ATG9B: variants seen among roughly 807,000 people sequenced by gnomAD.
The protein encoded by ATG9B is autophagy-related protein 9B.
A neutral mutation model predicts 92.9 loss-of-function variants in ATG9B; 92 were observed. That is an observed-to-expected ratio of 0.99 (90% CI 0.84 to 1.18). The LOEUF (loss-of-function observed/expected upper bound fraction) is 1.18, where lower values mean the gene tolerates loss of function less well. ATG9B is among the 50% of genes most tolerant of loss of function. The pLI, the probability that ATG9B is intolerant of heterozygous loss-of-function variation, is 0.00. For missense variants in ATG9B, 1,344 were observed against 1,235.0 expected (o/e 1.09, Z -1.32); for synonymous variants, 599 against 551.4 (o/e 1.09, Z -1.21).
Position 151,023,965 on chromosome 7 carries a change from C to T in ATG9B, c.459G>A (p.Arg153=), listed in dbSNP as rs1486053987. The change falls in exon 1 of 14, where the codon CGG becomes CGA. Residue 153 remains arginine, a synonymous_variant. Transcript: ENST00000639579. ...GPLIPEQDYE[R]LEDCDPEGSQ... ...ACCCCTCAGGGTCACAGTCCTCCAGCCGCTCATAATCCTGTTCAGGGATCA... is the reference window on the plus strand; with the variant it reads ...ACCCCTCAGGGTCACAGTCCTCCAGTCGCTCATAATCCTGTTCAGGGATCA... The T allele has an allele frequency of 6.3e-7, 1 of 1,590,118 alleles. No homozygotes were observed. The highest frequency in any genetic ancestry group is 1.1e-5 in the South Asian group (1 of 87,958).
At chr7:151,023,530 A>G in intron 2 of ATG9B, 21 bp from the exon 3 acceptor site, 1 of 1,612,988 alleles carries the variant, frequency 6.2e-7, no homozygotes, top group Non-Finnish European at 8.5e-7. Flanking sequence ...GTCAAGGAAC[A>G]AGCCTGAGGC....
rs116149029 is a variant in ATG9B at position 151,024,232 on chromosome 7, G to A, written c.192C>T (p.Ser64=). The A allele has an allele frequency of 3.4e-3, 4,984 of 1,483,980 alleles. 117 individuals carry two copies. The African/African-American group carries it at 0.059, about 17-fold the overall frequency. 91.9% of individuals were successfully genotyped at this position (1,483,980 alleles called of 1,614,324 possible). A position where few individuals can be genotyped will look rare whatever the true frequency, so the allele number is the denominator to read the frequency against. ...GCCCTGCGGTGGGAGGGGAAAATGA[G>A]GAGGGGGAGCTTCTTGTATGAGGGG... The part of the protein sequence containing the change: ...SPAPHTRSSP[S]SFSPPTAGPP... The change falls in exon 1 of 14, where the codon TCC becomes TCT. Residue 64 remains serine, a synonymous_variant. Transcript: ENST00000639579.
intron 8 of ATG9B, 119 bp from the exon 9 acceptor site, chr7:151,017,391 C>T: frequency 1.0e-6 from 1 of 981,496 alleles, no homozygotes. Flanking sequence ...GGGACTTGTT[C>T]ACCATCACCC....
At chr7:151,014,104 C>T, downstream of ATG9B, 1 of 1,613,642 alleles carries the variant, frequency 6.2e-7, no homozygotes, top group Non-Finnish European at 8.5e-7. Context: ...CTTGCAGGAG[C>T]GTCAGTTGCG....
Position 151,024,058 on chromosome 7 carries a change from CA to C in ATG9B, c.365del (p.Leu122ArgfsTer21). 6.3e-7 allele frequency: 1 copy of C among 1,591,498 alleles called. No individual in the cohort carries two copies. Among genetic ancestry groups the C allele is most frequent in the Non-Finnish European group, 8.6e-7 (1 of 1,169,356 alleles). On this transcript the variant is annotated frameshift_variant, in exon 1 of 14. Transcript: ENST00000639579. LOFTEE classifies it high-confidence loss of function. ...PSWGSHSTPP[L>X]APATPTPSQQ... ...GTGAGGGAGTGGGGGTTGCCGGGGC[CA>C]GGGGTGGGGTGGAGTGGGATCCCCA...
At chr7:151,020,568 C>A (rs1795710526) in intron 5 of ATG9B, among the ~76,000 whole-genome samples, 1 of 152,216 alleles carries the variant, frequency 6.6e-6, no homozygotes, top group South Asian at 2.1e-4. Context: ...GCAAGGGAAG[C>A]AAGCTGCAGA....
chr7:151,012,210 T>G, downstream of ATG9B: 1 of 652,268 alleles, frequency 1.5e-6, no homozygotes, highest in Non-Finnish European at 2.5e-6. Flanking sequence ...CAAGTAGAGT[T>G]GTTTTTTGTT....
At chr7:151,012,584 A>G, downstream of ATG9B, 2 of 1,332,166 alleles carry the variant, frequency 1.5e-6, no homozygotes, top group South Asian at 2.9e-5. Flanking sequence ...AAAGTCCACA[A>G]AGCTGAAAAG....
chr7:151,016,651 C>T (rs1290916941), intron 10 of ATG9B, 37 bp downstream of exon 10: 1 of 1,537,358 alleles, frequency 6.5e-7, no homozygotes, highest in Non-Finnish European at 8.8e-7. Context: ...GCCCACCCCC[C>T]TCCACATGCC....
chr7:151,018,373 T>A lies in ATG9B; in HGVS notation c.1793A>T (p.His598Leu). The change falls in exon 7 of 14, where the codon CAC becomes CTC. Residue 598 changes from histidine to leucine, a missense_variant. Transcript: ENST00000639579. This position sits in a 1 kb window ranked among gnomAD's most constrained non-coding sequence, Gnocchi z 4.7. ...GGGGCCGGGCTCCTCCGGGAGGTAG[T>A]GCATGTGGGCCAGGGCTGTCTGCAG... is the stretch of plus-strand genomic sequence containing the variant. ...LLLQTALAHM[H>L]YLPEEPGPGG... The A allele has an allele frequency of 6.3e-7, 1 of 1,597,096 alleles. No homozygotes were observed. Among genetic ancestry groups the A allele is most frequent in the Non-Finnish European group, 8.5e-7 (1 of 1,173,392 alleles).
In ATG9B at chr7:151,018,092, G is replaced by A. The variant is rs1795579833; in HGVS notation, c.1873-42C>T. The A allele has an allele frequency of 6.5e-7, 1 of 1,532,500 alleles. No individual in the cohort carries two copies. The highest frequency in any genetic ancestry group is 8.8e-7 in the Non-Finnish European group (1 of 1,138,698). The allele number at this position is 1,532,500 out of a possible 1,614,324, so 94.9% of individuals were successfully genotyped here. A position where few individuals can be genotyped will look rare whatever the true frequency, so the allele number is the denominator to read the frequency against. On this transcript the variant is annotated intron_variant, in intron 7 of 13. Coordinates refer to ENST00000639579, the MANE Select transcript of ATG9B (RefSeq NM_001317056.2). The surrounding 1 kb of genome is among the most constrained non-coding windows in gnomAD (Gnocchi z 4.7). The stretch of plus-strand genomic sequence containing the variant: ...GAGGCTGAGCAGGGGTCGCTGAGGG[G>A]CCCACGCGCGTTATCAGGACCAAGC...
In ATG9B at chr7:151,017,970, C is replaced by T; in HGVS notation, c.1953G>A (p.Glu651=). The change falls in exon 8 of 14, where the codon GAG becomes GAA. Residue 651 remains glutamate, a synonymous_variant. Coordinates refer to ENST00000639579, the MANE Select transcript of ATG9B (RefSeq NM_001317056.2). The part of the protein sequence containing the change: ...LLFWFRPRAL[E]IIDFFHHFTV... ...TGAAGTGATGAAAAAAGTCGATAAT[C>T]TCCAGGGCACGAGGGCGGAACCAGA... The T allele has an allele frequency of 6.2e-7, 1 of 1,607,324 alleles. No homozygotes were observed. Among genetic ancestry groups the T allele is most frequent in the Non-Finnish European group, 8.5e-7 (1 of 1,176,602 alleles).
chr7:151,023,735 GCA>G lies in ATG9B; in HGVS notation c.551-7_551-6del, dbSNP rs1563266818. 1 of 1,614,018 alleles carries G rather than the reference GCA, an allele frequency of 6.2e-7. No individual in the cohort carries two copies. Among genetic ancestry groups the G allele is most frequent in the Non-Finnish European group, 8.5e-7 (1 of 1,179,998 alleles). Reference sequence around the variant, plus strand: ...TCTGGATGTGATGCCAGGAGCCTGGGCACAGAGGGGAGAGTGTCAGCCCCTGG... The same window carrying G: ...TCTGGATGTGATGCCAGGAGCCTGGGCAGAGGGGAGAGTGTCAGCCCCTGG... On this transcript the variant is annotated splice_polypyrimidine_tract_variant and splice_region_variant and intron_variant, in intron 1 of 13. Coordinates refer to ENST00000639579, the MANE Select transcript of ATG9B (RefSeq NM_001317056.2).
chr7:151,018,970 C>T lies in ATG9B; in HGVS notation c.1368G>A (p.Trp456Ter), dbSNP rs1181514944. The T allele has an allele frequency of 1.3e-6, 2 of 1,579,804 alleles. No homozygotes were observed. The highest frequency in any genetic ancestry group is 8.6e-7 in the Non-Finnish European group (1 of 1,167,888). Residue 456 changes from tryptophan (W) to a stop codon, truncating the protein, a stop_gained, in exon 6 of 14, where the codon TGG (tryptophan) becomes TGA (stop). Transcript: ENST00000639579. LOFTEE classifies it high-confidence loss of function. This position sits in a 1 kb window ranked among gnomAD's most constrained non-coding sequence, Gnocchi z 4.7. ...GGCTATAGAAGACGTGCAGAACCTG[C>T]CAGGCCAGCACCAGCGGGCTCAGCG... The part of the protein sequence containing the change: ...NLALSPLVLA[W>*]QVLHVFYSHV...
rs1323857956 is a variant in ATG9B, at chr7:151,018,402, G to C, written c.1764C>G (p.Leu588=). The C allele has an allele frequency of 1.3e-6, 2 of 1,563,656 alleles. No homozygotes were observed. Among genetic ancestry groups the C allele is most frequent in the Non-Finnish European group, 1.7e-6 (2 of 1,155,620 alleles). The change falls in exon 7 of 14, where the codon CTC becomes CTG. Residue 588 remains leucine, a synonymous_variant. Transcript: ENST00000639579. This position sits in a 1 kb window ranked among gnomAD's most constrained non-coding sequence, Gnocchi z 4.7. ...TGTGGGCCAGGGCTGTCTGCAGCAG[G>C]AGCTGCGGCGCACGACCCTGGCACT... ...EEQCQGRAPQ[L]LLQTALAHMH...
At chr7:151,021,936 A>G (rs1376134821) in intron 4 of ATG9B, among the ~76,000 whole-genome samples, 1 of 150,018 alleles carries the variant, frequency 6.7e-6, no homozygotes, top group Non-Finnish European at 1.5e-5. Flanking sequence ...GGTGTGAGCC[A>G]CCACGCCCAG....
chr7:151,021,390 AG>A, intron 4 of ATG9B, 61 bp from the exon 5 acceptor site: 1 of 1,498,832 alleles, frequency 6.7e-7, no homozygotes, highest in Non-Finnish European at 8.9e-7. Flanking sequence ...GAGGCAGACC[AG>A]ACTTCGGGAG....
At chr7:151,021,030 C>T in intron 5 of ATG9B, 158 bp downstream of exon 5, 1 of 840,226 alleles carries the variant, frequency 1.2e-6, no homozygotes, top group South Asian at 1.6e-5. Context: ...GTAGCCCCCT[C>T]CTGACATTAT....
At chr7:151,022,796 A>T (rs1041459970) in intron 4 of ATG9B, among the ~76,000 whole-genome samples, 1 of 151,572 alleles carries the variant, frequency 6.6e-6, no homozygotes, top group East Asian at 2.0e-4. Context: ...AGACCTCACC[A>T]TTGCACTCCA....
Sources: allele counts gnomAD v4.1 joint callset (sites outside exome capture counted in the v4.1 genomes callset), GRCh38; gene constraint gnomAD v4.1.1; non-coding constraint Gnocchi (gnomAD v3.1); transcripts MANE v1.5; gene names NCBI Gene and HGNC (gene_info 2026-07-23, HGNC 2026-07-21).